The following ZNF518A variants were observed in gnomAD, a reference collection of about 807,000 sequenced individuals.
ZNF518A encodes the protein zinc finger protein 518A, also known as zinc finger protein 518.
ZNF518A carries 47 observed loss-of-function variants against 102.7 expected under a neutral mutation model. The ratio of observed to expected loss-of-function variants is 0.46; its 90% CI spans 0.36 to 0.58. ZNF518A has a LOEUF of 0.58. Among genes scored for constraint, ZNF518A ranks in the 20% least tolerant of loss-of-function variants. The pLI, the probability that ZNF518A is intolerant of heterozygous loss-of-function variation, is 0.00. For missense variants in ZNF518A, 1,793 were observed against 1,699.8 expected, an observed-to-expected ratio of 1.05 and a Z score of -0.96; for synonymous variants, 652 against 594.6, an observed-to-expected ratio of 1.10 and a Z score of -1.40.
chr10:96,134,063 A>G (rs1202021119), intron 3 of ZNF518A, among the ~76,000 whole-genome samples: 1 of 152,242 alleles, frequency 6.6e-6, no homozygotes, highest in Non-Finnish European at 1.5e-5. Flanking sequence ...CCTGAAATCT[A>G]AAATACTCCA....
intron 1 of ZNF518A, among the ~76,000 whole-genome samples, chr10:96,183,125 T>G (rs1410943567): frequency 5.3e-5 from 8 of 152,240 alleles, no homozygotes; most frequent in Non-Finnish European, 1.0e-4. Flanking sequence ...GTTTATAGTA[T>G]TCTCTGATGG....
chr10:96,182,068 G>A (rs1591278682), intron 1 of ZNF518A, among the ~76,000 whole-genome samples: 1 of 152,126 alleles, frequency 6.6e-6, no homozygotes, highest in Non-Finnish European at 1.5e-5. Context: ...TTGTAAGTTG[G>A]ATTCCTAGGT....
chr10:96,150,742 C>CTTTTTTTTTTTTTTT (rs1564759772), intron 3 of ZNF518A, among the ~76,000 whole-genome samples: 1 of 14,538 alleles, frequency 6.9e-5, no homozygotes, highest in Non-Finnish European at 1.8e-4. Flanking sequence ...TTCTTTCTTT[C>CTTTTTTTTTTTTTTT]CTTTTTTTTT....
At chr10:96,146,639 A>G (rs1232133023) in intron 3 of ZNF518A, among the ~76,000 whole-genome samples, 2 of 152,248 alleles carry the variant, frequency 1.3e-5, no homozygotes, top group East Asian at 1.9e-4. Context: ...GACAAAATGC[A>G]CACTATGTAT....
At chr10:96,166,311 G>T (rs1461639020), downstream of ZNF518A, among the ~76,000 whole-genome samples, 2 of 152,164 alleles carry the variant, frequency 1.3e-5, no homozygotes, top group Non-Finnish European at 2.9e-5. Context: ...CAGTTGTCTA[G>T]GTATTCCTTA....
At chr10:96,153,033 T>TC (rs1266268009) in intron 3 of ZNF518A, among the ~76,000 whole-genome samples, 1 of 152,170 alleles carries the variant, frequency 6.6e-6, no homozygotes. Context: ...TATGATTCAG[T>TC]CCAAGTCCAA....
downstream of ZNF518A, among the ~76,000 whole-genome samples, chr10:96,164,948 C>G (rs1415047559): frequency 6.6e-6 from 1 of 152,142 alleles, no homozygotes; most frequent in Non-Finnish European, 1.5e-5. Flanking sequence ...ACATCATAAG[C>G]TATTGCTAAT....
In ZNF518A at chr10:96,133,794, G is replaced by A. The variant is rs2081457924; in HGVS notation, c.-302+146G>A. ...TCTTCCCTGAACTTCACCAGCAAAT[G>A]GATTTCTGTTCAGGGCCATTTTTTT... is the stretch of plus-strand genomic sequence containing the variant. On this transcript the variant is annotated intron_variant, in intron 3 of 5. Transcript: ENST00000316045. 4.6e-5 allele frequency: 7 copies of A among 152,076 alleles called. No homozygotes were observed. In the South Asian group the frequency reaches 1.5e-3, roughly 32 times the overall value. The allele number at this position is 152,076 out of a possible 1,614,324, so 9.4% of individuals were successfully genotyped here. A position where few individuals can be genotyped will look rare whatever the true frequency, so the allele number is the denominator to read the frequency against.
At chr10:96,164,787 T>C (rs2083109865), downstream of ZNF518A, among the ~76,000 whole-genome samples, 1 of 152,220 alleles carries the variant, frequency 6.6e-6, no homozygotes, top group South Asian at 2.1e-4. Flanking sequence ...TAAATACTTT[T>C]TCCTAGTAAA....
chr10:96,194,925 C>T (rs1252086226), intron 1 of ZNF518A, among the ~76,000 whole-genome samples: 4 of 151,394 alleles, frequency 2.6e-5, no homozygotes, highest in Non-Finnish European at 5.9e-5. Flanking sequence ...CACGCGCCAC[C>T]ATGCCCGGCT....
At chr10:96,150,615 TTC>T (rs1221722537) in intron 3 of ZNF518A, among the ~76,000 whole-genome samples, 1 of 151,404 alleles carries the variant, frequency 6.6e-6, no homozygotes, top group Non-Finnish European at 1.5e-5. Context: ...ATCTACTTTG[TTC>T]TCTCTTTTAT....
intron 1 of ZNF518A, chr10:96,189,841 A>G: frequency 8.3e-7 from 1 of 1,210,578 alleles, no homozygotes. Flanking sequence ...CCTCCTCTTC[A>G]TCTTCTGACT....
At chr10:96,135,406 T>C (rs1554874049) in intron 3 of ZNF518A, 1 of 152,270 alleles carries the variant, frequency 6.6e-6, no homozygotes, top group African/African-American at 2.4e-5. Context: ...GAAAGTGTTC[T>C]GATGAATATA....
At chr10:96,189,281 T>C (rs782516158) in intron 1 of ZNF518A, 103 of 431,716 alleles carry the variant, frequency 2.4e-4, no homozygotes, top group Non-Finnish European at 4.1e-4. Context: ...CTCTGCATTA[T>C]AGAAAGGACA....
At chr10:96,165,795 GAATTAGGGTTTT>G (rs2083134855), downstream of ZNF518A, among the ~76,000 whole-genome samples, 1 of 152,126 alleles carries the variant, frequency 6.6e-6, no homozygotes, top group South Asian at 2.1e-4. Flanking sequence ...CAAGAGGCCT[GAATTAGGGTTTT>G]TCAGAGATAC....
At chr10:96,198,675 T>C (rs1554895266) in intron 1 of ZNF518A, among the ~76,000 whole-genome samples, 1 of 152,174 alleles carries the variant, frequency 6.6e-6, no homozygotes, top group African/African-American at 2.4e-5. Context: ...TACTAGGATA[T>C]GAAAAAACAG....
chr10:96,203,603 G>T (rs2083711829), exon 2 of ZNF518A: 1 of 152,858 alleles, frequency 6.5e-6, no homozygotes, highest in Non-Finnish European at 1.5e-5. Flanking sequence ...AAATTATCCA[G>T]ATATTTGCCG....
At chr10:96,176,172 C>A (rs1554891459) in intron 1 of ZNF518A, among the ~76,000 whole-genome samples, 1 of 151,974 alleles carries the variant, frequency 6.6e-6, no homozygotes, top group Non-Finnish European at 1.5e-5. Flanking sequence ...CTCAAGTGAT[C>A]CTCCTGCCTT....
chr10:96,198,951 G>A (rs182795962), intron 1 of ZNF518A, among the ~76,000 whole-genome samples: 2 of 152,242 alleles, frequency 1.3e-5, no homozygotes, highest in East Asian at 3.9e-4. Context: ...CACTCACCTC[G>A]GCCCCCCAAA....
Sources: gnomAD v4.1 joint callset for allele counts (sites outside exome capture counted in the v4.1 genomes callset) on GRCh38, gnomAD v4.1.1 for gene constraint, MANE v1.5 for transcripts, NCBI Gene and HGNC (gene_info 2026-07-23, HGNC 2026-07-21) for gene names.